Variants in MTIF3 observed in about 807,000 individuals in gnomAD.
MTIF3 encodes translation initiation factor IF-3, mitochondrial.
A neutral mutation model predicts 20.7 loss-of-function variants in MTIF3; 13 were observed. The observed-to-expected ratio is 0.63, with a 90% confidence interval of 0.41 to 1.00. The LOEUF is 1.00. Ranked by LOEUF, MTIF3 falls within the 50% of genes least tolerant of loss-of-function variation. MTIF3 has a pLI of 0.00. For missense variants in MTIF3, 295 were observed against 324.5 expected (o/e 0.91, Z 0.70); for synonymous variants, 114 against 112.5 (o/e 1.01, Z -0.08).
intron 3 of MTIF3, among the ~76,000 whole-genome samples, chr13:27,439,766 G>A (rs890941675): frequency 1.3e-5 from 2 of 152,160 alleles, no homozygotes; most frequent in African/African-American, 4.8e-5. Context: ...GGTTTAAAGG[G>A]AAGAGATAAT....
chr13:27,447,156 T>C (rs1954206290), intron 1 of MTIF3, among the ~76,000 whole-genome samples: 2 of 138,674 alleles, frequency 1.4e-5, no homozygotes, highest in African/African-American at 2.7e-5. Flanking sequence ...AAAACACAGA[T>C]GTTTCCTCTT....
rs1472393609 is a variant in MTIF3, at chr13:27,440,445, C to A, written c.4G>T (p.Ala2Ser). The change falls in exon 3 of 5, where the codon GCT (alanine) becomes TCT (serine). Residue 2 changes from alanine (A) to serine (S), a missense_variant. Physicochemically the swap from Ala to Ser is moderately conservative, Grantham distance 99. Transcript: ENST00000381120. The part of the protein sequence containing the change: M[A>S]ALFLKRLTLQ... ...GTTAACCTCTTTAGAAAAAGAGCAG[C>A]CATCCTAAGAAAGTAGTAAGAAGAG... The A allele has an allele frequency of 6.3e-6, 10 of 1,592,958 alleles. No homozygotes were observed. Among genetic ancestry groups the A allele is most frequent in the Non-Finnish European group, 8.6e-6 (10 of 1,168,748 alleles).
Position 27,440,100 on chromosome 13 carries a change from C to T in MTIF3, c.349G>A (p.Val117Ile), listed in dbSNP as rs752027087. 17 of 1,614,192 alleles carry T rather than the reference C, an allele frequency of 1.1e-5. No individual in the cohort carries two copies. The highest frequency in any genetic ancestry group is 1.4e-5 in the Non-Finnish European group (16 of 1,180,032). The change falls in exon 3 of 5, where the codon GTT (valine) becomes ATT (isoleucine). Residue 117 changes from valine (V) to isoleucine (I), a missense_variant. Transcript: ENST00000381120. The part of the protein sequence containing the change: ...RLMDERDLRL[V>I]QRNTSTEPAE... ...GGTTCTGTGCTGGTGTTCCTTTGAA[C>T]CAGTCGCAGGTCTCGCTCATCCATA...
At position 27,440,297 on chromosome 13, in the gene MTIF3, T is replaced by C. The variant is rs756188133; in HGVS notation, c.152A>G (p.His51Arg). ...TTCAGCGGTACTAAAGGCTTTTGCA[T>C]GAATTAGGAAGGAGAGTCTTGGGGC... ...ASAPRLSFLI[H>R]AKAFSTAEDT... Residue 51 changes from histidine to arginine, a missense_variant, in exon 3 of 5, where the codon CAT becomes CGT. Physicochemically the swap from His to Arg is conservative, Grantham distance 29. Transcript: ENST00000381120. 8.2e-5 allele frequency: 132 copies of C among 1,614,088 alleles called. No individual in the cohort carries two copies. The highest frequency in any genetic ancestry group is 2.1e-4 in the South Asian group (19 of 91,092).
Position 27,437,103 on chromosome 13 carries a change from C to T in MTIF3, c.618+13G>A. The T allele has an allele frequency of 6.2e-7, 1 of 1,612,426 alleles. No homozygotes were observed. The highest frequency in any genetic ancestry group is 8.5e-7 in the Non-Finnish European group (1 of 1,179,256). ...CCAAAGCACAAGCAGTGGCTTGTAC[C>T]TTCTTTACTTACCATTTCATTTTCT... is the stretch of plus-strand genomic sequence containing the variant. On this transcript the variant is annotated intron_variant, in intron 4 of 4. Transcript: ENST00000381120.
intron 1 of MTIF3, among the ~76,000 whole-genome samples, chr13:27,445,440 C>T (rs1009187154): frequency 1.3e-5 from 2 of 151,718 alleles, no homozygotes; most frequent in Non-Finnish European, 2.9e-5. Context: ...CACACCACTG[C>T]ACTCCAGTCT....
chr13:27,437,059 T>C, intron 4 of MTIF3, 57 bp downstream of exon 4: 1 of 1,573,330 alleles, frequency 6.4e-7, no homozygotes, highest in Non-Finnish European at 8.7e-7. Context: ...CCTACAATTG[T>C]ATTTTTAGAT....
chr13:27,443,009 G>C (rs777288577), intron 2 of MTIF3, among the ~76,000 whole-genome samples: 2 of 152,222 alleles, frequency 1.3e-5, no homozygotes, highest in Non-Finnish European at 2.9e-5. Context: ...TGCACGGGCC[G>C]AAGGAAACAG....
intron 1 of MTIF3, chr13:27,450,287 T>C (rs1039056854): frequency 4.6e-5 from 7 of 152,262 alleles, no homozygotes; most frequent in African/African-American, 1.4e-4. Context: ...AGGTCTAACA[T>C]CCCTCGGAAG....
chr13:27,440,758 G>C (rs544955084), intron 2 of MTIF3, among the ~76,000 whole-genome samples: 2 of 147,498 alleles, frequency 1.4e-5, no homozygotes, highest in East Asian at 3.9e-4. Flanking sequence ...GATCTCATTT[G>C]ACTACTTAGT....
chr13:27,441,173 C>G (rs1593193346), intron 2 of MTIF3: 1 of 152,316 alleles, frequency 6.6e-6, no homozygotes, highest in Non-Finnish European at 1.5e-5. Context: ...GCAGTTCAAA[C>G]CTGTGTTGTT....
intron 1 of MTIF3, among the ~76,000 whole-genome samples, chr13:27,446,505 T>C (rs2138179193): frequency 6.6e-6 from 1 of 152,322 alleles, no homozygotes; most frequent in East Asian, 1.9e-4. Context: ...TAAATCTAGG[T>C]TATGGTTATA....
chr13:27,439,360 G>A (rs1953908795), intron 3 of MTIF3, among the ~76,000 whole-genome samples: 1 of 152,230 alleles, frequency 6.6e-6, no homozygotes, highest in African/African-American at 2.4e-5. Flanking sequence ...GCCGGGCGTG[G>A]TGGCGGGCGC....
intron 1 of MTIF3, among the ~76,000 whole-genome samples, chr13:27,448,375 C>T (rs1415087594): frequency 6.6e-6 from 1 of 152,200 alleles, no homozygotes; most frequent in East Asian, 1.9e-4. Flanking sequence ...TCTCATGACT[C>T]TAAGAACTCT....
At position 27,435,653 on chromosome 13, in the gene MTIF3, A is replaced by C. The variant is rs529838590; in HGVS notation, c.*22T>G. The C allele has an allele frequency of 6.2e-6, 10 of 1,612,404 alleles. No individual in the cohort carries two copies. The South Asian group carries it at 1.1e-4, about 18-fold the overall frequency. On this transcript the variant is annotated 3_prime_UTR_variant, in exon 5 of 5. Transcript: ENST00000381120. ...GACCAAGGAGCGAGCTTTCTCTCAG[A>C]GCATGCTTTTCTTTATTAAAATTAC...
chr13:27,439,907 A>T, intron 3 of MTIF3, 82 bp downstream of exon 3: 1 of 1,214,984 alleles, frequency 8.2e-7, no homozygotes, highest in Non-Finnish European at 1.2e-6. Context: ...CTCTTGTCAC[A>T]GGCACCTTGA....
chr13:27,435,903 G>T lies in MTIF3; in HGVS notation c.619-10C>A. 1 of 1,594,810 alleles carries T rather than the reference G, an allele frequency of 6.3e-7. No individual in the cohort carries two copies. Among genetic ancestry groups the T allele is most frequent in the South Asian group, 1.1e-5 (1 of 90,322 alleles). On this transcript the variant is annotated splice_polypyrimidine_tract_variant and intron_variant, in intron 4 of 4. Coordinates refer to ENST00000381120, the MANE Select transcript of MTIF3 (RefSeq NM_152912.5). ...GATGAAATATCTCCTCCTAAAAAAG[G>T]GAAACAGCCAAAGATTAATTTAAAA...
rs185903880 is a variant in MTIF3, at chr13:27,445,267, G to A, written c.-70-111C>T. The A allele has an allele frequency of 2.8e-3, 425 of 152,220 alleles. 2 individuals are homozygous for A. Among genetic ancestry groups the A allele is most frequent in the Middle Eastern group, 6.8e-3 (2 of 294 alleles). 9.4% of individuals were successfully genotyped at this position (152,220 alleles called of 1,614,324 possible). On this transcript the variant is annotated intron_variant, in intron 1 of 4. Transcript: ENST00000381120. ...GGCCAAGGCGAGAGGATCACTTAAG[G>A]CCAGGAGTTTGAGACCAGCCCGGGA...
At chr13:27,439,842 A>C in intron 3 of MTIF3, 147 bp downstream of exon 3, 2 of 699,554 alleles carry the variant, frequency 2.9e-6, no homozygotes, top group South Asian at 3.8e-5. Flanking sequence ...TAAAGGAGGA[A>C]AGACAGACAC....
Sources: allele counts gnomAD v4.1 joint callset (sites outside exome capture counted in the v4.1 genomes callset), GRCh38; gene constraint gnomAD v4.1.1; transcripts MANE v1.5; gene names NCBI Gene and HGNC (gene_info 2026-07-23, HGNC 2026-07-21).